Variants in MTMR8 observed in about 807,000 individuals in gnomAD.
The protein encoded by MTMR8 is phosphatidylinositol-3,5-bisphosphate 3-phosphatase MTMR8.
A neutral mutation model predicts 39.3 loss-of-function variants in MTMR8; 65 were observed. The observed-to-expected ratio is 1.65, with a 90% confidence interval of 1.35 to 2.03. The LOEUF (loss-of-function observed/expected upper bound fraction) is 2.03, where lower values mean the gene tolerates loss of function less well. Among genes scored for constraint, MTMR8 ranks in the 30% most tolerant of loss-of-function variants. MTMR8 has a pLI of 0.00. For missense variants in MTMR8, 777 were observed against 538.9 expected (o/e 1.44, Z -4.37); for synonymous variants, 245 against 185.2 (o/e 1.32, Z -2.62).
chrX:64,327,157 G>C (rs1272013100), intron 12 of MTMR8, among the ~76,000 whole-genome samples: 1 of 111,446 alleles, frequency 9.0e-6, no homozygotes, highest in Non-Finnish European at 1.9e-5. Flanking sequence ...TAAAAGCACA[G>C]GTAACAAAAG....
chrX:64,349,229 T>G (rs1424604295), intron 5 of MTMR8, among the ~76,000 whole-genome samples: 1 of 111,516 alleles, frequency 9.0e-6, no homozygotes, highest in African/African-American at 3.3e-5. Flanking sequence ...GTTTCAGAAG[T>G]TAATGCCAAA....
intron 12 of MTMR8, among the ~76,000 whole-genome samples, chrX:64,316,255 T>C (rs944536782): frequency 4.4e-5 from 5 of 112,439 alleles, no homozygotes; most frequent in East Asian, 2.8e-4. Context: ...CCATTCTCTT[T>C]AGAGAACTTC....
intron 12 of MTMR8, among the ~76,000 whole-genome samples, chrX:64,292,554 C>G (rs1921436628): frequency 9.0e-6 from 1 of 110,794 alleles, no homozygotes; most frequent in Non-Finnish European, 1.9e-5. Context: ...AAAGCAGCAG[C>G]ATGGTGTCAT....
chrX:64,387,113 T>A lies in MTMR8; in HGVS notation c.24+8227A>T, dbSNP rs760664842. Among the ~76,000 whole-genome samples, 4 of 110,900 alleles carry A rather than the reference T, an allele frequency of 3.6e-5. No homozygotes were observed. In the South Asian group the frequency reaches 1.5e-3, roughly 42 times the overall value. Reference sequence around the variant, plus strand: ...CTAGACAAAGTGTATTGTGATTAGATTAAAAGAAAAACATCAGTGTCAATT... The same window carrying A: ...CTAGACAAAGTGTATTGTGATTAGAATAAAAGAAAAACATCAGTGTCAATT... On this transcript the variant is annotated intron_variant, in intron 1 of 13. Coordinates refer to ENST00000374852, the MANE Select transcript of MTMR8 (RefSeq NM_017677.4).
At chrX:64,360,069 A>G (rs1923739079) in intron 1 of MTMR8, among the ~76,000 whole-genome samples, 1 of 111,065 alleles carries the variant, frequency 9.0e-6, no homozygotes, top group African/African-American at 3.3e-5. Context: ...CAATTAAAAG[A>G]AAGACACAGA....
intron 3 of MTMR8, among the ~76,000 whole-genome samples, chrX:64,355,390 C>T (rs1442356794): frequency 9.0e-6 from 1 of 111,619 alleles, no homozygotes; most frequent in African/African-American, 3.3e-5. Context: ...TGGCCCCTTC[C>T]TCTCTTTTCT....
intron 12 of MTMR8, among the ~76,000 whole-genome samples, chrX:64,302,517 A>C (rs1233437828): frequency 2.7e-5 from 3 of 111,277 alleles, no homozygotes; most frequent in Non-Finnish European, 3.8e-5. Flanking sequence ...TGCAGAAATC[A>C]CCCGTCTTAT....
At chrX:64,368,330 G>C (rs1050874386) in intron 1 of MTMR8, among the ~76,000 whole-genome samples, 1 of 111,556 alleles carries the variant, frequency 9.0e-6, no homozygotes, top group Non-Finnish European at 1.9e-5. Context: ...AACAAAGCTG[G>C]AGGGGTCACA....
chrX:64,319,868 G>T (rs1337455180), intron 12 of MTMR8, among the ~76,000 whole-genome samples: 1 of 111,214 alleles, frequency 9.0e-6, no homozygotes, highest in Non-Finnish European at 1.9e-5. Flanking sequence ...TTTGGCTTGG[G>T]ATTGACTCGG....
In MTMR8 at chrX:64,297,730, C is replaced by A. The variant is rs768946903; in HGVS notation, c.1482-26657G>T. 2.3e-3 allele frequency among the ~76,000 whole-genome samples: 246 copies of A among 108,725 alleles called. 1 individual carries two copies. The highest frequency in any genetic ancestry group is 8.1e-3 in the African/African-American group (240 of 29,690). 94.4% of individuals were successfully genotyped at this position (108,725 alleles called of 115,157 possible). A position where few individuals can be genotyped will look rare whatever the true frequency, so the allele number is the denominator to read the frequency against. ...ATGGTTTTAGGTCTAACGTTTAAAT[C>A]TTTACTCCATCTTGAATTGATTTTT... On this transcript the variant is annotated intron_variant, in intron 12 of 13. Transcript: ENST00000374852.
chrX:64,349,578 G>A (rs1228145096), intron 5 of MTMR8, among the ~76,000 whole-genome samples: 1 of 111,254 alleles, frequency 9.0e-6, no homozygotes, highest in African/African-American at 3.3e-5. Context: ...AAAGCACTAA[G>A]AAAGTATCAA....
At chrX:64,286,243 C>T (rs1921170498) in intron 12 of MTMR8, among the ~76,000 whole-genome samples, 1 of 111,864 alleles carries the variant, frequency 8.9e-6, no homozygotes, top group Non-Finnish European at 1.9e-5. Context: ...GGATAAATTC[C>T]TCGACACATA....
chrX:64,382,466 T>C (rs1421005411), intron 1 of MTMR8, among the ~76,000 whole-genome samples: 1 of 111,927 alleles, frequency 8.9e-6, no homozygotes, highest in Non-Finnish European at 1.9e-5. Context: ...ATCCTGAGAC[T>C]TTGCTGAAGT....
At chrX:64,300,719 T>G in intron 12 of MTMR8, among the ~76,000 whole-genome samples, 1 of 104,750 alleles carries the variant, frequency 9.5e-6, no homozygotes, top group African/African-American at 3.5e-5. Flanking sequence ...TGGTACCGGT[T>G]GTTCCTTTCC....
At chrX:64,276,383 C>T (rs952243722) in intron 12 of MTMR8, among the ~76,000 whole-genome samples, 1 of 111,324 alleles carries the variant, frequency 9.0e-6, no homozygotes, top group Non-Finnish European at 1.9e-5. Flanking sequence ...TGTTAGGGTG[C>T]TGATCTTAGA....
intron 10 of MTMR8, among the ~76,000 whole-genome samples, chrX:64,332,812 G>A (rs1439940044): frequency 9.0e-6 from 1 of 111,233 alleles, no homozygotes; most frequent in African/African-American, 3.3e-5. Context: ...GAATCCACTG[G>A]CCACAGGCTG....
At chrX:64,302,588 C>T (rs1344776332) in intron 12 of MTMR8, among the ~76,000 whole-genome samples, 2 of 112,349 alleles carry the variant, frequency 1.8e-5, no homozygotes, top group Non-Finnish European at 3.8e-5. Context: ...CTTGGCTCCT[C>T]CCCTCGGACC....
intron 9 of MTMR8, among the ~76,000 whole-genome samples, chrX:64,336,738 A>G (rs944947293): frequency 9.0e-6 from 1 of 111,632 alleles, no homozygotes; most frequent in East Asian, 2.8e-4. Context: ...TGGAGGTTGC[A>G]GTGAGCCAAT....
At chrX:64,388,385 C>A (rs1256788017) in intron 1 of MTMR8, among the ~76,000 whole-genome samples, 1 of 111,870 alleles carries the variant, frequency 8.9e-6, no homozygotes, top group Non-Finnish European at 1.9e-5. Flanking sequence ...TAGGTCTCTT[C>A]TTTAAAGTAA....
Sources: allele counts gnomAD v4.1 joint callset (sites outside exome capture counted in the v4.1 genomes callset), GRCh38; gene constraint gnomAD v4.1.1; transcripts MANE v1.5; gene names NCBI Gene and HGNC (gene_info 2026-07-23, HGNC 2026-07-21).